SPTLC2: variants seen among roughly 807,000 people sequenced by gnomAD.
The protein encoded by SPTLC2 is serine palmitoyltransferase 2.
Under a neutral mutation model 62.0 loss-of-function variants are expected in SPTLC2, and 21 were observed. The observed-to-expected ratio is 0.34, with a 90% CI of 0.24 to 0.49. The LOEUF is 0.49. Among genes scored for constraint, SPTLC2 ranks in the 20% least tolerant of loss-of-function variants. The pLI is 0.99. For synonymous variants in SPTLC2, 261 were observed against 261.8 expected (o/e 1.00, Z 0.03); for missense variants, 511 against 713.0 (o/e 0.72, Z 3.23).
At position 77,597,274 on chromosome 14, in the gene SPTLC2, A is replaced by G. The variant is rs770792347; in HGVS notation, c.239T>C (p.Val80Ala). ...TCGAAGATATCCAAAGAGGGTGAGT[A>G]CGCCATACCCCACATACGTGAGCAC... Reference protein sequence around the residue: ...VAVLTYVGYGVLTLFGYLRDF... With the variant: ...VAVLTYVGYGALTLFGYLRDF... The change falls in exon 2 of 12, where the codon GTA becomes GCA. Residue 80 changes from valine to alanine, a missense_variant. By Grantham distance (64) the Val-to-Ala change is moderately conservative. Transcript: ENST00000216484. The G allele has an allele frequency of 1.4e-5, 22 of 1,614,088 alleles. No individual in the cohort carries two copies. Among genetic ancestry groups the G allele is most frequent in the Non-Finnish European group, 2.5e-6 (3 of 1,180,050 alleles).
chr14:77,538,660 T>C (rs1349955751), intron 9 of SPTLC2, among the ~76,000 whole-genome samples: 1 of 152,176 alleles, frequency 6.6e-6, no homozygotes, highest in African/African-American at 2.4e-5. Flanking sequence ...TACCTCTGCC[T>C]CCCGGGTTCA....
chr14:77,615,771 T>C (rs767591884), intron 1 of SPTLC2, among the ~76,000 whole-genome samples: 1 of 152,192 alleles, frequency 6.6e-6, no homozygotes, highest in African/African-American at 2.4e-5. Context: ...TCCCCTTGTG[T>C]GATAGCACTC....
At chr14:77,593,177 G>C (rs1178155739) in intron 2 of SPTLC2, among the ~76,000 whole-genome samples, 1 of 151,964 alleles carries the variant, frequency 6.6e-6, no homozygotes, top group African/African-American at 2.4e-5. Flanking sequence ...TTAAATATCT[G>C]ATCATGAACA....
chr14:77,606,408 G>A (rs1357114485), intron 1 of SPTLC2, among the ~76,000 whole-genome samples: 1 of 123,066 alleles, frequency 8.1e-6, no homozygotes, highest in Non-Finnish European at 1.7e-5. Context: ...TGTGTGTACA[G>A]AATACAGCAG....
At chr14:77,606,245 G>T (rs1490836815) in intron 1 of SPTLC2, among the ~76,000 whole-genome samples, 1 of 152,174 alleles carries the variant, frequency 6.6e-6, no homozygotes, top group Admixed American at 6.5e-5. Flanking sequence ...CAGGAGAGCC[G>T]CTTGAACCCA....
chr14:77,557,352 A>G (rs773332958), intron 6 of SPTLC2: 13 of 579,286 alleles, frequency 2.2e-5, no homozygotes, highest in Non-Finnish European at 3.4e-5. Flanking sequence ...GTTCAAAACC[A>G]TCGAAACTTG....
At chr14:77,595,419 G>C (rs1398504713) in intron 2 of SPTLC2, among the ~76,000 whole-genome samples, 1 of 152,086 alleles carries the variant, frequency 6.6e-6, no homozygotes, top group Non-Finnish European at 1.5e-5. Context: ...GGTTTTAAAA[G>C]ATAAAAATTA....
intron 1 of SPTLC2, among the ~76,000 whole-genome samples, chr14:77,607,080 T>C (rs1048572852): frequency 2.6e-5 from 4 of 152,152 alleles, no homozygotes; most frequent in Non-Finnish European, 4.4e-5. Flanking sequence ...ATTTTGTTTG[T>C]TTGTTTTTTT....
intron 2 of SPTLC2, among the ~76,000 whole-genome samples, chr14:77,594,510 C>T (rs1458635633): frequency 6.6e-6 from 1 of 152,188 alleles, no homozygotes; most frequent in Non-Finnish European, 1.5e-5. Flanking sequence ...CCTATAATCC[C>T]AACACTTTGG....
At chr14:77,597,876 C>T (rs1374581362) in intron 1 of SPTLC2, among the ~76,000 whole-genome samples, 1 of 150,998 alleles carries the variant, frequency 6.6e-6, no homozygotes, top group African/African-American at 2.4e-5. Context: ...ATAATCCCAG[C>T]ACTTTGGGAG....
intron 2 of SPTLC2, 141 bp downstream of exon 2, chr14:77,597,045 A>G (rs2079851284): frequency 2.5e-6 from 2 of 803,668 alleles, no homozygotes; most frequent in Admixed American, 5.4e-5. Flanking sequence ...CTTTCTTTGT[A>G]GAATGTTTTC....
At chr14:77,533,392 T>C (rs956675738) in intron 9 of SPTLC2, among the ~76,000 whole-genome samples, 47 of 150,842 alleles carry the variant, frequency 3.1e-4, no homozygotes, top group African/African-American at 1.1e-3. Flanking sequence ...GTAGAAATAA[T>C]ATGCTCTCTA....
chr14:77,566,247 A>G (rs942586035), intron 5 of SPTLC2, among the ~76,000 whole-genome samples: 2 of 152,090 alleles, frequency 1.3e-5, no homozygotes, highest in African/African-American at 2.4e-5. Flanking sequence ...CTTAGAACTT[A>G]TTCTTAAGCT....
In SPTLC2 at chr14:77,509,756, A is replaced by G. The variant is rs1324140587; in HGVS notation, c.*2528T>C. 2.5e-6 allele frequency: 1 copy of G among 396,790 alleles called. No individual in the cohort carries two copies. The highest frequency in any genetic ancestry group is 4.4e-6 in the Non-Finnish European group (1 of 225,392). 24.6% of individuals were successfully genotyped at this position (396,790 alleles called of 1,614,324 possible). A position where few individuals can be genotyped will look rare whatever the true frequency, so the allele number is the denominator to read the frequency against. ...CAAGAAGAGACAACCAACCATGTATAATGTCTACATAACATTTTGTTCTTT... is the reference window on the plus strand; with the variant it reads ...CAAGAAGAGACAACCAACCATGTATGATGTCTACATAACATTTTGTTCTTT... On this transcript the variant is annotated 3_prime_UTR_variant, in exon 12 of 12. Coordinates refer to ENST00000216484, the MANE Select transcript of SPTLC2 (RefSeq NM_004863.4).
At chr14:77,529,400 C>A (rs2079425533) in intron 9 of SPTLC2, among the ~76,000 whole-genome samples, 1 of 151,080 alleles carries the variant, frequency 6.6e-6, no homozygotes, top group Non-Finnish European at 1.5e-5. Flanking sequence ...CTATTGAAAT[C>A]TAAAACTGGA....
chr14:77,524,618 C>T (rs552124407), intron 9 of SPTLC2, among the ~76,000 whole-genome samples: 115 of 152,196 alleles, frequency 7.6e-4, no homozygotes, highest in Non-Finnish European at 1.4e-3. Context: ...TAAGTATCAG[C>T]GGATGAATGG....
chr14:77,593,035 G>C (rs941891514), intron 2 of SPTLC2, among the ~76,000 whole-genome samples: 3 of 151,704 alleles, frequency 2.0e-5, no homozygotes, highest in Admixed American at 1.3e-4. Flanking sequence ...CCGTGGAGGC[G>C]GAGATTGCAG....
intron 8 of SPTLC2, among the ~76,000 whole-genome samples, chr14:77,552,805 TA>T (rs58847640): frequency 0.014 from 1,851 of 130,936 alleles, 36 homozygotes; most frequent in African/African-American, 0.039. Flanking sequence ...GACTCCGTCT[TA>T]AAAAAAAAAA....
At chr14:77,570,828 G>C (rs1449734790) in intron 4 of SPTLC2, among the ~76,000 whole-genome samples, 2 of 151,858 alleles carry the variant, frequency 1.3e-5, no homozygotes, top group Admixed American at 6.6e-5. Context: ...AGCAAAATCT[G>C]CTTTTACACT....
Sources: gnomAD v4.1 joint callset for allele counts (sites outside exome capture counted in the v4.1 genomes callset) on GRCh38, gnomAD v4.1.1 for gene constraint, MANE v1.5 for transcripts, NCBI Gene and HGNC (gene_info 2026-07-23, HGNC 2026-07-21) for gene names.